TENM3: variants seen among roughly 807,000 people sequenced by gnomAD.
TENM3 encodes teneurin transmembrane protein 3.
A neutral mutation model predicts 255.1 loss-of-function variants in TENM3; 63 were observed. The ratio of observed to expected loss-of-function variants is 0.25; its 90% CI spans 0.20 to 0.30. The LOEUF (loss-of-function observed/expected upper bound fraction) is 0.30. TENM3 is among the 10% of genes least tolerant of loss of function. The probability of loss-of-function intolerance (pLI) is 1.00; values close to 1 mark genes in which losing one functional copy is unlikely to be tolerated. For missense variants in TENM3, 2,929 were observed against 3,461.1 expected (o/e 0.85, Z 3.86); for synonymous variants, 1,306 against 1,322.3 (o/e 0.99, Z 0.27).
chr4:181,956,463 T>A, the TENM3 span, among the ~76,000 whole-genome samples: 1 of 152,194 alleles, frequency 6.6e-6, no homozygotes, highest in Non-Finnish European at 1.5e-5. Flanking sequence ...TGAGGGCAGG[T>A]GTTTTTCTTA....
chr4:181,847,136 T>C, the TENM3 span, among the ~76,000 whole-genome samples: 1 of 152,220 alleles, frequency 6.6e-6, no homozygotes, highest in Admixed American at 6.5e-5. Flanking sequence ...ATTCATGGCT[T>C]CACAATTTCC....
chr4:181,449,382 A>G, the TENM3 span, among the ~76,000 whole-genome samples: 1 of 152,170 alleles, frequency 6.6e-6, no homozygotes, highest in Non-Finnish European at 1.5e-5. Context: ...TGGAGTTACT[A>G]CTTGGGTAGT....
At chr4:182,214,247 TTA>T (rs1755284633) in intron 1 of TENM3, among the ~76,000 whole-genome samples, 1 of 152,168 alleles carries the variant, frequency 6.6e-6, no homozygotes, top group Admixed American at 6.5e-5. Context: ...TCACTACCCC[TTA>T]TGTTTCTTAA....
rs1324480599 is a variant in TENM3 at position 182,737,087 on chromosome 4, A to G, written c.3235+12A>G. On this transcript the variant is annotated intron_variant, in intron 17 of 27. Transcript: ENST00000511685. ...ATCTGAAGCTGTTGGTAAGTTCCAT[A>G]TAAATCTTTGCTGCAGTGAAGTTTT... 3.7e-6 allele frequency: 6 copies of G among 1,603,990 alleles called. No individual in the cohort carries two copies. Among genetic ancestry groups the G allele is most frequent in the African/African-American group, 1.3e-5 (1 of 74,356 alleles).
At chr4:182,176,821 A>ATTTTTTTT (rs529637466) in intron 1 of TENM3, among the ~76,000 whole-genome samples, 2 of 113,358 alleles carry the variant, frequency 1.8e-5, no homozygotes, top group Admixed American at 1.0e-4. Flanking sequence ...CATCCGGCTA[A>ATTTTTTTT]TTTTTTTTTT....
chr4:182,165,711 C>T (rs1356758538), intron 1 of TENM3, among the ~76,000 whole-genome samples: 1 of 152,176 alleles, frequency 6.6e-6, no homozygotes, highest in South Asian at 2.1e-4. Context: ...GGGTGGAAAC[C>T]TAAAATGCAC....
At chr4:182,309,007 T>G (rs1762292797) in intron 1 of TENM3, among the ~76,000 whole-genome samples, 1 of 152,068 alleles carries the variant, frequency 6.6e-6, no homozygotes, top group Non-Finnish European at 1.5e-5. Flanking sequence ...TGATACTGAG[T>G]CCAGAACCGA....
At chr4:181,982,145 G>A in the TENM3 span, among the ~76,000 whole-genome samples, 3 of 152,068 alleles carry the variant, frequency 2.0e-5, no homozygotes, top group Non-Finnish European at 2.9e-5. Flanking sequence ...AAAGAAAGAC[G>A]ACGGCTATCA....
chr4:181,552,259 T>G, the TENM3 span, among the ~76,000 whole-genome samples: 1 of 152,190 alleles, frequency 6.6e-6, no homozygotes, highest in African/African-American at 2.4e-5. Flanking sequence ...CTGGTAACTC[T>G]TCATTCTTTG....
At chr4:181,481,886 A>G in the TENM3 span, among the ~76,000 whole-genome samples, 1 of 152,202 alleles carries the variant, frequency 6.6e-6, no homozygotes, top group African/African-American at 2.4e-5. Flanking sequence ...TATATTCTTC[A>G]AAAATGTCTA....
At chr4:182,009,859 A>C in the TENM3 span, among the ~76,000 whole-genome samples, 3 of 152,186 alleles carry the variant, frequency 2.0e-5, no homozygotes, top group Admixed American at 2.0e-4. Flanking sequence ...GGATCTTCCT[A>C]TCCGTGGATT....
chr4:182,800,462 T>G lies in TENM3; in HGVS notation c.*111T>G, dbSNP rs1766867700. On this transcript the variant is annotated 3_prime_UTR_variant, in exon 28 of 28. Transcript: ENST00000511685. ...AGCCTTCCTCCCGGGGGAATGAGAC[T>G]GCTGTTACGACCCACACCCACACCG... 2 of 1,320,768 alleles carry G rather than the reference T, an allele frequency of 1.5e-6. No homozygotes were observed. The highest frequency in any genetic ancestry group is 2.0e-6 in the Non-Finnish European group (2 of 995,018). The allele number at this position is 1,320,768 out of a possible 1,614,324, so 81.8% of individuals were successfully genotyped here.
At chr4:182,763,025 G>A (rs1311209282) in intron 22 of TENM3, among the ~76,000 whole-genome samples, 2 of 152,154 alleles carry the variant, frequency 1.3e-5, no homozygotes, top group Non-Finnish European at 2.9e-5. Context: ...AAATATTGAT[G>A]TAAAGAAATA....
the TENM3 span, among the ~76,000 whole-genome samples, chr4:182,027,132 C>A: frequency 6.6e-6 from 1 of 151,862 alleles, no homozygotes; most frequent in Admixed American, 6.6e-5. Flanking sequence ...CTTTCATCAG[C>A]AGTTTATAGT....
At chr4:182,078,758 A>C in the TENM3 span, among the ~76,000 whole-genome samples, 1 of 152,004 alleles carries the variant, frequency 6.6e-6, no homozygotes, top group African/African-American at 2.4e-5. Flanking sequence ...GAGGAAATAG[A>C]GAGAGAGAGG....
At chr4:181,480,526 C>T in the TENM3 span, among the ~76,000 whole-genome samples, 2 of 151,994 alleles carry the variant, frequency 1.3e-5, no homozygotes, top group Non-Finnish European at 2.9e-5. Context: ...CTAGAATAGA[C>T]ATCCACTATT....
At chr4:182,776,412 G>C (rs145928018) in intron 24 of TENM3, among the ~76,000 whole-genome samples, 133 of 152,202 alleles carry the variant, frequency 8.7e-4, no homozygotes, top group African/African-American at 3.2e-3. Context: ...ATTCTGTCTC[G>C]AAACAAGAAA....
chr4:181,850,503 T>C, the TENM3 span, among the ~76,000 whole-genome samples: 1 of 152,126 alleles, frequency 6.6e-6, no homozygotes, highest in Non-Finnish European at 1.5e-5. Context: ...CTTTAAAAGT[T>C]GAACAAAAAT....
the TENM3 span, among the ~76,000 whole-genome samples, chr4:182,079,381 T>A: frequency 6.6e-6 from 1 of 152,026 alleles, no homozygotes; most frequent in Non-Finnish European, 1.5e-5. Context: ...CCGGGCGCAG[T>A]GGCGGGTGCC....
Sources: gnomAD v4.1 joint callset for allele counts (sites outside exome capture counted in the v4.1 genomes callset) on GRCh38, gnomAD v4.1.1 for gene constraint, MANE v1.5 for transcripts, NCBI Gene and HGNC (gene_info 2026-07-23, HGNC 2026-07-21) for gene names.